Variants in NCOR2 observed in about 807,000 individuals in gnomAD.
NCOR2 encodes nuclear receptor corepressor 2.
A neutral mutation model predicts 262.9 loss-of-function variants in NCOR2; 81 were observed. That is an observed-to-expected ratio of 0.31 (90% CI 0.26 to 0.37). The LOEUF is 0.37. NCOR2 is among the 10% of genes least tolerant of loss of function. The pLI is 1.00. For missense variants in NCOR2, 3,385 were observed against 3,621.4 expected (o/e 0.93, Z 1.68); for synonymous variants, 1,659 against 1,559.3 (o/e 1.06, Z -1.51).
At chr12:124,533,428 G>A (rs1324099693) in intron 1 of NCOR2, among the ~76,000 whole-genome samples, 1 of 151,816 alleles carries the variant, frequency 6.6e-6, no homozygotes, top group East Asian at 1.9e-4. Flanking sequence ...ACCTTCTCAG[G>A]GAGGCCTACC....
At chr12:124,415,242 G>A (rs1414476142) in intron 13 of NCOR2, among the ~76,000 whole-genome samples, 1 of 152,216 alleles carries the variant, frequency 6.6e-6, no homozygotes, top group African/African-American at 2.4e-5. Context: ...GTCCGTCACC[G>A]CAGCCTTCCA....
intron 16 of NCOR2, among the ~76,000 whole-genome samples, chr12:124,391,042 C>T (rs568904381): frequency 2.6e-5 from 4 of 152,366 alleles, no homozygotes; most frequent in South Asian, 4.1e-4. Flanking sequence ...GGGCCCATGA[C>T]GAGCTGTTCT....
Position 124,357,918 on chromosome 12 carries a change from C to T in NCOR2, c.3101-1136G>A, listed in dbSNP as rs565789608. Among the ~76,000 whole-genome samples, 70 of 146,862 alleles carry T rather than the reference C, an allele frequency of 4.8e-4. 2 individuals carry two copies. In the South Asian group the frequency reaches 7.7e-3, roughly 16 times the overall value. ...AACCTGTGATATGTGTGTGTGCGTG[C>T]GCACGTGCGTGCATGTGTGTGTGAG... On this transcript the variant is annotated intron_variant, in intron 22 of 46. Transcript: ENST00000405201.
exon 10 of NCOR2, chr12:124,429,658 G>A (rs369539019): frequency 6.8e-6 from 11 of 1,609,356 alleles, no homozygotes; most frequent in East Asian, 2.2e-5. Context: ...CCTCGTGCTC[G>A]CTGCGGGCGG....
Position 124,378,139 on chromosome 12 carries a change from CA to C in NCOR2, c.2167+97del, listed in dbSNP as rs1261087755. On this transcript the variant is annotated intron_variant, in intron 18 of 46. Coordinates refer to ENST00000405201, the Ensembl canonical transcript of NCOR2. The surrounding 1 kb of genome is among the most constrained non-coding windows in gnomAD (Gnocchi z 4.2). ...CCTTCTAAGGAGGACCCAGATGACTCAGGGGAGAGGAGGCTGCCGGGATCAG... is the reference window on the plus strand; with the variant it reads ...CCTTCTAAGGAGGACCCAGATGACTCGGGGAGAGGAGGCTGCCGGGATCAG... 2 of 1,532,098 alleles carry C rather than the reference CA, an allele frequency of 1.3e-6. No homozygotes were observed. The highest frequency in any genetic ancestry group is 1.8e-6 in the Non-Finnish European group (2 of 1,141,514). 94.9% of individuals were successfully genotyped at this position (1,532,098 alleles called of 1,614,324 possible).
rs1555299229 is a variant in NCOR2 at position 124,333,895 on chromosome 12, T to TGTGTGCGCGCATGTGTGC, written c.6605+528_6605+529insGCACACATGCGCGCACAC. Among the ~76,000 whole-genome samples the TGTGTGCGCGCATGTGTGC allele has an allele frequency of 8.0e-5, 5 of 62,504 alleles. No individual in the cohort carries two copies. In the South Asian group the frequency reaches 3.0e-3, roughly 38 times the overall value. The allele number at this position is 62,504 out of a possible 152,430, so 41.0% of individuals were successfully genotyped here. On this transcript the variant is annotated intron_variant, in intron 41 of 46. Coordinates refer to ENST00000405201, the Ensembl canonical transcript of NCOR2. ...ATGTGTGCGGGTGTGCATGTGTGTG[T>TGTGTGCGCGCATGTGTGC]GCGCGCGCATGTGTGCGGGTGTGCA...
Position 124,543,251 on chromosome 12 carries a change from G to A in NCOR2, c.-164-7640C>T, listed in dbSNP as rs900960471. ...AACCCCGTGCCCTGCCCAGGAACGC[G>A]CCCCAGCCCCAGGGCCACCTGTCTG... On this transcript the variant is annotated intron_variant, in intron 1 of 32. Coordinates refer to the NCOR2 transcript ENST00000458234. Among the ~76,000 whole-genome samples, 6 of 152,290 alleles carry A rather than the reference G, an allele frequency of 3.9e-5. No homozygotes were observed. In the South Asian group the frequency reaches 8.3e-4, roughly 21 times the overall value.
chr12:124,391,079 G>A (rs1239772205), intron 16 of NCOR2, among the ~76,000 whole-genome samples: 2 of 152,232 alleles, frequency 1.3e-5, no homozygotes, highest in African/African-American at 2.4e-5. Context: ...CAGCCTCCTC[G>A]GCTCAGGTGC....
At chr12:124,350,415 A>G (rs2037350729) in intron 28 of NCOR2, among the ~76,000 whole-genome samples, 172 bp downstream of exon 30, 1 of 152,198 alleles carries the variant, frequency 6.6e-6, no homozygotes, top group South Asian at 2.1e-4. Flanking sequence ...GGAGGCAGCT[A>G]AGGCCAACGC....
intron 13 of NCOR2, among the ~76,000 whole-genome samples, chr12:124,418,678 G>A (rs1034149308): frequency 9.9e-5 from 15 of 150,988 alleles, no homozygotes; most frequent in African/African-American, 3.7e-4. Context: ...TGGGCTTTAG[G>A]CCTCAGGTCC....
At chr12:124,359,413 A>G (rs990469277) in intron 22 of NCOR2, among the ~76,000 whole-genome samples, 2 of 152,206 alleles carry the variant, frequency 1.3e-5, no homozygotes, top group Non-Finnish European at 2.9e-5. Flanking sequence ...GTGGGCAAGA[A>G]GGCCTATGTA....
chr12:124,372,919 T>A (rs2039617030), intron 19 of NCOR2, among the ~76,000 whole-genome samples: 1 of 152,132 alleles, frequency 6.6e-6, no homozygotes, highest in Admixed American at 6.5e-5. Flanking sequence ...GGAGCCAGCC[T>A]GAGGGTGGCC....
chr12:124,443,692 G>A lies in NCOR2; in HGVS notation c.816-5696C>T, dbSNP rs1013746602. ...TAATTTTCGTATTTTTAGTAGAGAC[G>A]GGGTTTCACTATATTGGCCAGGCTG... is the stretch of plus-strand genomic sequence containing the variant. On this transcript the variant is annotated intron_variant, in intron 7 of 46. Coordinates refer to ENST00000405201, the Ensembl canonical transcript of NCOR2. This position sits in a 1 kb window ranked among gnomAD's most constrained non-coding sequence, Gnocchi z 4.4. Among the ~76,000 whole-genome samples the A allele has an allele frequency of 6.6e-6, 1 of 151,960 alleles. No homozygotes were observed. The highest frequency in any genetic ancestry group is 6.6e-5 in the Admixed American group (1 of 15,242).
chr12:124,345,065 G>T, intron 31 of NCOR2, 114 bp from the exon 34 acceptor site: 1 of 946,140 alleles, frequency 1.1e-6, no homozygotes, highest in Non-Finnish European at 1.5e-6. Context: ...AGTGACATCT[G>T]ATGCCTCCAG....
intron 6 of NCOR2, among the ~76,000 whole-genome samples, chr12:124,450,863 C>T (rs2045479663): frequency 6.6e-6 from 1 of 152,246 alleles, no homozygotes; most frequent in Admixed American, 6.5e-5. Flanking sequence ...CATTTCTCCT[C>T]ATCTATAAAA....
intron 1 of NCOR2, among the ~76,000 whole-genome samples, chr12:124,516,684 A>G (rs1037009091): frequency 6.6e-6 from 1 of 152,034 alleles, no homozygotes; most frequent in Non-Finnish European, 1.5e-5. Flanking sequence ...GGATTCCGGG[A>G]CTTGCCCAAG....
At chr12:124,355,404 C>T in intron 24 of NCOR2, 28 bp downstream of exon 26, 1 of 1,611,532 alleles carries the variant, frequency 6.2e-7, no homozygotes. Flanking sequence ...AAGACTAAGC[C>T]CCCAAGAAAG....
At chr12:124,447,547 A>G (rs1462183186) in intron 7 of NCOR2, among the ~76,000 whole-genome samples, 1 of 152,226 alleles carries the variant, frequency 6.6e-6, no homozygotes, top group Non-Finnish European at 1.5e-5. Context: ...AAACCTATGT[A>G]AAATTGTCAG....
intron 34 of NCOR2, among the ~76,000 whole-genome samples, chr12:124,341,277 T>C (rs116242084): frequency 0.03 from 4,513 of 152,016 alleles, 106 homozygotes; most frequent in African/African-American, 0.064. Flanking sequence ...TCTTGCCCTG[T>C]TGCCCAGGCT....
Sources: allele counts gnomAD v4.1 joint callset (sites outside exome capture counted in the v4.1 genomes callset), GRCh38; gene constraint gnomAD v4.1.1; non-coding constraint Gnocchi (gnomAD v3.1); transcripts MANE v1.5; gene names NCBI Gene and HGNC (gene_info 2026-07-23, HGNC 2026-07-21).